Variants in KDM3A observed in about 807,000 individuals in gnomAD.
The protein encoded by KDM3A is lysine-specific demethylase 3A.
Under a neutral mutation model 158.0 loss-of-function variants are expected in KDM3A, and 60 were observed. The ratio of observed to expected loss-of-function variants is 0.38; its 90% CI spans 0.31 to 0.47. The LOEUF is 0.47. Among genes scored for constraint, KDM3A ranks in the 20% least tolerant of loss-of-function variants. The pLI is 0.99. For synonymous variants in KDM3A, 608 were observed against 549.3 expected (o/e 1.11, Z -1.49); for missense variants, 1,319 against 1,574.3 (o/e 0.84, Z 2.74).
chr2:86,451,027 T>G, intron 3 of KDM3A, 76 bp from the exon 4 acceptor site: 2 of 916,614 alleles, frequency 2.2e-6, no homozygotes, highest in East Asian at 5.1e-5. Context: ...TCTCTGTGTG[T>G]GGAAAATTGC....
chr2:86,439,526 A>T (rs1682568426), upstream of KDM3A, among the ~76,000 whole-genome samples: 1 of 152,214 alleles, frequency 6.6e-6, no homozygotes, highest in Admixed American at 6.5e-5. Flanking sequence ...AATGAATTCA[A>T]CATAGAAAGT....
chr2:86,439,626 C>T (rs1682575335), upstream of KDM3A, among the ~76,000 whole-genome samples: 1 of 151,910 alleles, frequency 6.6e-6, no homozygotes, highest in South Asian at 2.1e-4. Context: ...CCATATCTTC[C>T]CTTATATTTT....
At chr2:86,491,717 A>G (rs552414191) in intron 25 of KDM3A, 56 of 340,910 alleles carry the variant, frequency 1.6e-4, no homozygotes, top group African/African-American at 1.1e-3. Context: ...ATGTAACATA[A>G]TTTCATGTTT....
At chr2:86,466,298 A>G (rs1438341869) in intron 9 of KDM3A, 74 bp from the exon 10 acceptor site, 1 of 1,441,740 alleles carries the variant, frequency 6.9e-7, no homozygotes, top group Non-Finnish European at 9.4e-7. Flanking sequence ...AGGGAACCAA[A>G]CAGTTTGTTT....
rs1478336419 is a variant in KDM3A at position 86,491,279 on chromosome 2, A to G, written c.3885+4A>G. 1.9e-6 allele frequency: 3 copies of G among 1,613,352 alleles called. No homozygotes were observed. The African/African-American group carries it at 4.0e-5, about 22-fold the overall frequency. ...CAATCACGAAGATAAATTACAGGTA[A>G]AAATAGCACCAATTCCTAGCATTCT... On this transcript the variant is annotated splice_donor_region_variant and intron_variant, in intron 25 of 25. Coordinates refer to ENST00000312912, the MANE Select transcript of KDM3A (RefSeq NM_018433.6).
chr2:86,463,459 G>C (rs973894609), intron 8 of KDM3A, among the ~76,000 whole-genome samples: 1 of 152,180 alleles, frequency 6.6e-6, no homozygotes, highest in East Asian at 1.9e-4. Context: ...AACTGGGACA[G>C]GTGTCCCAAC....
upstream of KDM3A, among the ~76,000 whole-genome samples, chr2:86,438,581 T>C (rs1263638330): frequency 2.6e-5 from 4 of 152,010 alleles, no homozygotes; most frequent in African/African-American, 9.7e-5. Context: ...TGTATATCTA[T>C]ACCAAAACAT....
intron 9 of KDM3A, 87 bp downstream of exon 9, chr2:86,464,303 A>G: frequency 9.3e-7 from 1 of 1,076,780 alleles, no homozygotes; most frequent in Admixed American, 3.1e-5. Flanking sequence ...CTGGTTGTCC[A>G]GGGAGGTTTT....
At chr2:86,473,562 G>A (rs1021130706) in intron 11 of KDM3A, among the ~76,000 whole-genome samples, 1 of 152,044 alleles carries the variant, frequency 6.6e-6, no homozygotes, top group African/African-American at 2.4e-5. Context: ...TTGGGCAACA[G>A]GGCAAAACCC....
At chr2:86,459,758 C>CA (rs1233395346) in intron 8 of KDM3A, among the ~76,000 whole-genome samples, 2 of 152,078 alleles carry the variant, frequency 1.3e-5, no homozygotes, top group African/African-American at 4.8e-5. Context: ...CTTGCAAGGC[C>CA]AGAAGCATTA....
intron 3 of KDM3A, among the ~76,000 whole-genome samples, chr2:86,450,339 A>G (rs946660392): frequency 2.0e-5 from 3 of 152,248 alleles, no homozygotes; most frequent in Non-Finnish European, 4.4e-5. Context: ...TAAAAAATCT[A>G]CAAGATAATG....
At chr2:86,475,328 T>C (rs189725241) in intron 12 of KDM3A, among the ~76,000 whole-genome samples, 195 of 152,288 alleles carry the variant, frequency 1.3e-3, no homozygotes, top group African/African-American at 4.5e-3. Context: ...TTCTTAATCA[T>C]GAATACATTT....
intron 21 of KDM3A, among the ~76,000 whole-genome samples, chr2:86,486,263 A>G (rs1408551606): frequency 2.0e-5 from 3 of 152,194 alleles, no homozygotes; most frequent in Non-Finnish European, 2.9e-5. Flanking sequence ...AATTAAATGC[A>G]GTGTTCTGTG....
chr2:86,479,694 C>G (rs911240939), intron 15 of KDM3A: 3 of 152,900 alleles, frequency 2.0e-5, no homozygotes, highest in Non-Finnish European at 4.4e-5. Context: ...CTTTTAAGAG[C>G]TCATCACATT....
intron 4 of KDM3A, among the ~76,000 whole-genome samples, chr2:86,454,615 TAAAAA>T (rs1006514765): frequency 6.7e-6 from 1 of 148,540 alleles, no homozygotes; most frequent in African/African-American, 2.5e-5. Flanking sequence ...TTATATAAAA[TAAAAA>T]AAAAACCCAG....
chr2:86,455,715 GTGGGAGGAT>G (rs1017738117), intron 5 of KDM3A, among the ~76,000 whole-genome samples: 4 of 152,010 alleles, frequency 2.6e-5, no homozygotes, highest in African/African-American at 9.7e-5. Flanking sequence ...GACATCCAAA[GTGGGAGGAT>G]TGCTTGAGCC....
intron 5 of KDM3A, among the ~76,000 whole-genome samples, chr2:86,455,953 C>CAAAAAAAAAA (rs574299612): frequency 1.8e-5 from 1 of 56,194 alleles, no homozygotes; most frequent in Non-Finnish European, 3.7e-5. Context: ...GACCCTGTCT[C>CAAAAAAAAAA]AAAAAAAAAA....
chr2:86,490,038 CTGAG>C (rs1674381384), intron 23 of KDM3A: 1 of 161,252 alleles, frequency 6.2e-6, no homozygotes, highest in African/African-American at 2.4e-5. Flanking sequence ...TGACCATGTT[CTGAG>C]TGAGTTGCTA....
At chr2:86,486,888 G>A (rs1030524542) in intron 21 of KDM3A, 1 of 152,416 alleles carries the variant, frequency 6.6e-6, no homozygotes, top group Non-Finnish European at 1.5e-5. Flanking sequence ...AGATAGTTCT[G>A]CCAGGGTAGG....
Sources: allele counts gnomAD v4.1 joint callset (sites outside exome capture counted in the v4.1 genomes callset), GRCh38; gene constraint gnomAD v4.1.1; transcripts MANE v1.5; gene names NCBI Gene and HGNC (gene_info 2026-07-23, HGNC 2026-07-21).